Variants in CUL4A observed in about 807,000 individuals in gnomAD.
CUL4A encodes cullin-4A.
CUL4A carries 16 observed loss-of-function variants against 95.5 expected under a neutral mutation model. That is an observed-to-expected ratio of 0.17 (90% confidence interval 0.11 to 0.25). The LOEUF is 0.25. Ranked by LOEUF, CUL4A falls within the 10% of genes least tolerant of loss-of-function variation. The pLI is 1.00. For synonymous variants in CUL4A, 380 were observed against 353.1 expected (o/e 1.08, Z -0.85); for missense variants, 610 against 937.0 (o/e 0.65, Z 4.56).
intron 9 of CUL4A, among the ~76,000 whole-genome samples, chr13:113,238,927 A>G (rs1355997417): frequency 2.6e-5 from 4 of 152,248 alleles, no homozygotes; most frequent in African/African-American, 9.6e-5. Context: ...AAACCGTTAT[A>G]AATATTAAAA....
intron 5 of CUL4A, among the ~76,000 whole-genome samples, chr13:113,230,760 AATT>A (rs35512827): frequency 4.9e-5 from 7 of 143,760 alleles, no homozygotes; most frequent in South Asian, 2.6e-4. Context: ...GCTTTTCAAA[AATT>A]ATTATTATTA....
In CUL4A at chr13:113,229,446, A is replaced by T. The variant is rs759100047; in HGVS notation, c.439A>T (p.Ile147Phe). ...TCWQDHCRQMIMIRSIFLFLD... is the reference protein window; with the variant it reads ...TCWQDHCRQMFMIRSIFLFLD... ...AATGGTTCTCCTTTCTGCTGGTCAG[A>T]TCATGATCAGAAGCATCTTCCTGTT... The change falls in exon 5 of 20, where the codon ATC becomes TTC. Residue 147 changes from isoleucine (I) to phenylalanine (F), a missense_variant and splice_region_variant. By Grantham distance (21) the Ile-to-Phe change is conservative. Transcript: ENST00000375440. The T allele has an allele frequency of 6.2e-7, 1 of 1,613,422 alleles. No homozygotes were observed. The highest frequency in any genetic ancestry group is 8.5e-7 in the Non-Finnish European group (1 of 1,179,912).
rs189984910 is a variant in CUL4A, at chr13:113,217,415, A to C, written c.265-1530A>C. On this transcript the variant is annotated intron_variant, in intron 2 of 19. Transcript: ENST00000375440. ...CTATAGTAAGACAAAATGTAGGGGG[A>C]AAGTTTGTATTTCTTTGTTATTATG... Among the ~76,000 whole-genome samples, 17 of 152,316 alleles carry C rather than the reference A, an allele frequency of 1.1e-4. No homozygotes were observed. In the East Asian group the frequency reaches 3.3e-3, roughly 29 times the overall value.
chr13:113,233,027 A>G (rs1277536491), intron 5 of CUL4A, 150 bp from the exon 6 acceptor site: 2 of 789,118 alleles, frequency 2.5e-6, no homozygotes, highest in Non-Finnish European at 3.9e-6. Flanking sequence ...TGAGAAACAG[A>G]AGTTTTTAAA....
chr13:113,219,032 A>G lies in CUL4A; in HGVS notation c.352A>G (p.Ile118Val). The stretch of plus-strand genomic sequence containing the variant: ...CTGTGAAGACCACGTCCAGGCACAG[A>G]TCCTTCCGTTTAGAGAATATCCTTT... ...QACEDHVQAQ[I>V]LPFREDSLDS... The change falls in exon 3 of 20, where the codon ATC becomes GTC. Residue 118 changes from isoleucine (I) to valine (V), a missense_variant. Transcript: ENST00000375440. 6.2e-7 allele frequency: 1 copy of G among 1,608,358 alleles called. No individual in the cohort carries two copies.
intron 15 of CUL4A, among the ~76,000 whole-genome samples, chr13:113,252,755 C>G (rs2042027140): frequency 6.6e-6 from 1 of 152,202 alleles, no homozygotes; most frequent in Non-Finnish European, 1.5e-5. Flanking sequence ...GACACAGGAT[C>G]TGGCCTCAGA....
At chr13:113,230,346 C>G (rs985497945) in intron 5 of CUL4A, 1 of 152,372 alleles carries the variant, frequency 6.6e-6, no homozygotes, top group Non-Finnish European at 1.5e-5. Context: ...ATGTCGGTGA[C>G]CTGCCAGTTA....
At position 113,237,972 on chromosome 13, in the gene CUL4A, C is replaced by G. The variant is rs528604784; in HGVS notation, c.916+1082C>G. On this transcript the variant is annotated intron_variant, in intron 9 of 19. Transcript: ENST00000375440. ...CAAATAAGAAAACCAGGGCTTAAAA[C>G]AGCCAGATGTTGGTGCCTGGAATCA... 3.3e-5 allele frequency among the ~76,000 whole-genome samples: 5 copies of G among 152,282 alleles called. No homozygotes were observed. In the South Asian group the frequency reaches 1.0e-3, roughly 32 times the overall value.
At chr13:113,216,396 A>T (rs1344685375) in intron 2 of CUL4A, among the ~76,000 whole-genome samples, 1 of 152,254 alleles carries the variant, frequency 6.6e-6, no homozygotes, top group Non-Finnish European at 1.5e-5. Context: ...GCTAATACAG[A>T]CAATCATTTG....
chr13:113,253,425 G>A (rs572520769), intron 16 of CUL4A, among the ~76,000 whole-genome samples: 6 of 152,092 alleles, frequency 3.9e-5, no homozygotes, highest in Non-Finnish European at 5.9e-5. Flanking sequence ...AGCAGAGAAT[G>A]TGAAGAGGCA....
Position 113,245,202 on chromosome 13 carries a change from G to A in CUL4A, c.1495G>A (p.Glu499Lys). Residue 499 changes from glutamate (E) to lysine (K), a missense_variant, in exon 14 of 20, where the codon GAG (glutamate) becomes AAG (lysine). This residue lies in a region of CUL4A where 44 missense variants were observed against 75.6 expected (regional missense o/e 0.58). Transcript: ENST00000375440. ...GCTGGAAGGCATGTTCAAGGACATG[G>A]AGCTTTCGAAGGACATCATGGTTCA... ...SKLEGMFKDM[E>K]LSKDIMVHFK... 1 of 1,614,178 alleles carries A rather than the reference G, an allele frequency of 6.2e-7. No individual in the cohort carries two copies. Among genetic ancestry groups the A allele is most frequent in the Non-Finnish European group, 8.5e-7 (1 of 1,180,028 alleles).
intron 5 of CUL4A, among the ~76,000 whole-genome samples, chr13:113,230,993 G>A (rs1358925907): frequency 6.6e-6 from 1 of 151,964 alleles, no homozygotes; most frequent in Non-Finnish European, 1.5e-5. Context: ...GGCTGGTCTC[G>A]AACCCCTGGC....
chr13:113,248,712 T>C (rs1247302150), intron 15 of CUL4A, among the ~76,000 whole-genome samples: 1 of 152,206 alleles, frequency 6.6e-6, no homozygotes, highest in Middle Eastern at 3.2e-3. Context: ...AGATAACCTA[T>C]GCATACTCTC....
At chr13:113,241,724 A>G (rs2041717075) in intron 10 of CUL4A, among the ~76,000 whole-genome samples, 1 of 151,796 alleles carries the variant, frequency 6.6e-6, no homozygotes, top group Non-Finnish European at 1.5e-5. Context: ...ATATTGTCCA[A>G]GCTGGTCTTG....
At chr13:113,243,511 A>G (rs924791827) in intron 11 of CUL4A, among the ~76,000 whole-genome samples, 12 of 152,158 alleles carry the variant, frequency 7.9e-5, no homozygotes, top group Admixed American at 4.6e-4. Flanking sequence ...TGATAATACT[A>G]TTTTTAAGCT....
chr13:113,232,050 C>T (rs111314866), intron 5 of CUL4A, among the ~76,000 whole-genome samples: 933 of 83,264 alleles, frequency 0.011, 6 homozygotes, highest in South Asian at 0.029. Context: ...CACCACTACC[C>T]GCCCACCACC....
Position 113,263,931 on chromosome 13 carries a change from A to T in CUL4A, c.*349A>T, listed in dbSNP as rs896320547. 6 of 179,424 alleles carry T rather than the reference A, an allele frequency of 3.3e-5. No homozygotes were observed. The highest frequency in any genetic ancestry group is 1.4e-4 in the African/African-American group (6 of 42,470). 11.1% of individuals were successfully genotyped at this position (179,424 alleles called of 1,614,324 possible). On this transcript the variant is annotated 3_prime_UTR_variant, in exon 20 of 20. Coordinates refer to ENST00000375440, the MANE Select transcript of CUL4A (RefSeq NM_001008895.4). ...CAAGTTTGGTTTGTTCTCGTGTGTG[A>T]TCATGAGTGCACAATGAAGAAGACC... is the stretch of plus-strand genomic sequence containing the variant.
rs376303185 is a variant in CUL4A, at chr13:113,224,288, T to G, written c.369-3688T>G. 3.3e-5 allele frequency among the ~76,000 whole-genome samples: 5 copies of G among 151,764 alleles called. No homozygotes were observed. In the East Asian group the frequency reaches 5.8e-4, roughly 18 times the overall value. ...GAATGGCATGAACCCGGGAGGCAGATCTTGCAGTGAGCCGAGATCGCACCA... is the reference window on the plus strand; with the variant it reads ...GAATGGCATGAACCCGGGAGGCAGAGCTTGCAGTGAGCCGAGATCGCACCA... On this transcript the variant is annotated intron_variant, in intron 3 of 19. Transcript: ENST00000375440.
At chr13:113,257,097 C>G (rs1230501791) in intron 18 of CUL4A, among the ~76,000 whole-genome samples, 1 of 151,772 alleles carries the variant, frequency 6.6e-6, no homozygotes, top group African/African-American at 2.4e-5. Flanking sequence ...ACTAAGTTTT[C>G]TATTTTTAGT....
Sources: gnomAD v4.1 joint callset for allele counts (sites outside exome capture counted in the v4.1 genomes callset) on GRCh38, gnomAD v4.1.1 for gene constraint, gnomAD v4.1.1 regional missense constraint, MANE v1.5 for transcripts, NCBI Gene and HGNC (gene_info 2026-07-23, HGNC 2026-07-21) for gene names.